The following USP32 variants were observed in gnomAD, a reference collection of about 807,000 sequenced individuals.
USP32 encodes ubiquitin specific peptidase 32.
A neutral mutation model predicts 204.8 loss-of-function variants in USP32; 59 were observed. The observed-to-expected ratio is 0.29, with a 90% CI of 0.23 to 0.36. USP32 has a LOEUF of 0.36. Among genes scored for constraint, USP32 ranks in the 10% least tolerant of loss-of-function variants. The probability of loss-of-function intolerance (pLI) is 1.00; values close to 1 mark genes in which losing one functional copy is unlikely to be tolerated. For synonymous variants in USP32, 517 were observed against 678.4 expected (o/e 0.76, Z 3.70); for missense variants, 1,160 against 1,946.4 (o/e 0.60, Z 7.60).
At chr17:60,389,097 G>A (rs73322606) in intron 1 of USP32, among the ~76,000 whole-genome samples, 2 of 152,106 alleles carry the variant, frequency 1.3e-5, no homozygotes, top group Non-Finnish European at 2.9e-5. Context: ...GCACACACTG[G>A]ACTAATGTGT....
intron 2 of USP32, among the ~76,000 whole-genome samples, chr17:60,322,001 A>G (rs1442402122): frequency 6.6e-6 from 1 of 152,128 alleles, no homozygotes; most frequent in Non-Finnish European, 1.5e-5. Context: ...AGAAAACTTA[A>G]TAAACAGAAA....
rs1327789046 is a variant in USP32 at position 60,206,843 on chromosome 17, G to GTTCTCTAAATTTTAGGT, written c.3037+161_3037+177dup. ...TACCTATCTAACTGAAGTCACTTGG[G>GTTCTCTAAATTTTAGGT]TTCTCTAAATTTTAGGTTTCTCGTC... On this transcript the variant is annotated intron_variant, in intron 25 of 33. Transcript: ENST00000300896. Among the ~76,000 whole-genome samples the GTTCTCTAAATTTTAGGT allele has an allele frequency of 2.2e-4, 34 of 152,208 alleles. 1 individual carries two copies. Among genetic ancestry groups the GTTCTCTAAATTTTAGGT allele is most frequent in the African/African-American group, 7.7e-4 (32 of 41,520 alleles).
chr17:60,195,385 T>A (rs2084488628), intron 27 of USP32, among the ~76,000 whole-genome samples: 1 of 152,250 alleles, frequency 6.6e-6, no homozygotes, highest in Non-Finnish European at 1.5e-5. Context: ...TCGCCCAGGC[T>A]GGAGTACAGT....
chr17:60,281,020 GTTCT>G (rs760928438), intron 5 of USP32, among the ~76,000 whole-genome samples: 4 of 152,188 alleles, frequency 2.6e-5, no homozygotes, highest in Non-Finnish European at 5.9e-5. Flanking sequence ...AAATTTGTTG[GTTCT>G]TTGTTTTTAT....
intron 1 of USP32, among the ~76,000 whole-genome samples, chr17:60,359,335 T>G (rs775186604): frequency 1.3e-5 from 2 of 152,218 alleles, no homozygotes; most frequent in Non-Finnish European, 2.9e-5. Context: ...GAAACTGCCT[T>G]ATTTATATGT....
At chr17:60,324,283 A>AATATATATAT (rs138904415) in intron 2 of USP32, among the ~76,000 whole-genome samples, 3 of 146,506 alleles carry the variant, frequency 2.0e-5, no homozygotes, top group Admixed American at 6.8e-5. Context: ...CCGTGTTTCA[A>AATATATATAT]ATATATATAT....
chr17:60,195,620 G>A (rs1255787256), intron 27 of USP32, among the ~76,000 whole-genome samples: 2 of 152,214 alleles, frequency 1.3e-5, no homozygotes, highest in Admixed American at 6.5e-5. Context: ...TTACAGGCAT[G>A]AGCCACTGCA....
At position 60,179,042 on chromosome 17, in the gene USP32, G is replaced by A. The variant is rs2084034227; in HGVS notation, c.*213C>T. On this transcript the variant is annotated 3_prime_UTR_variant, in exon 34 of 34. Coordinates refer to ENST00000300896, the MANE Select transcript of USP32 (RefSeq NM_032582.4). Reference sequence around the variant, plus strand: ...GGCTAATGGTGGGATCTGCCTGAAAGTTCTCTATCGGAGAGCTTGTATGAG... The same window carrying A: ...GGCTAATGGTGGGATCTGCCTGAAAATTCTCTATCGGAGAGCTTGTATGAG... 2 of 541,794 alleles carry A rather than the reference G, an allele frequency of 3.7e-6. No homozygotes were observed. Among genetic ancestry groups the A allele is most frequent in the Non-Finnish European group, 6.1e-6 (2 of 325,250 alleles). 33.6% of individuals were successfully genotyped at this position (541,794 alleles called of 1,614,324 possible).
intron 1 of USP32, among the ~76,000 whole-genome samples, chr17:60,419,710 G>T (rs1230512435): frequency 6.8e-6 from 1 of 147,790 alleles, no homozygotes; most frequent in Non-Finnish European, 1.5e-5. Context: ...TCCAGCCTGG[G>T]TGACACAGCG....
chr17:60,227,849 T>A (rs952323245), intron 12 of USP32, among the ~76,000 whole-genome samples: 1 of 152,262 alleles, frequency 6.6e-6, no homozygotes, highest in South Asian at 2.1e-4. Context: ...AGCCAAAAAA[T>A]TTTTTTAAAT....
chr17:60,239,243 CTTT>C (rs2085812925), intron 11 of USP32, among the ~76,000 whole-genome samples: 3 of 152,280 alleles, frequency 2.0e-5, no homozygotes, highest in African/African-American at 7.2e-5. Flanking sequence ...AACAGCTTCT[CTTT>C]TGCTTTCAAG....
At chr17:60,378,911 A>C (rs1479632877) in intron 1 of USP32, among the ~76,000 whole-genome samples, 2 of 152,006 alleles carry the variant, frequency 1.3e-5, no homozygotes, top group Non-Finnish European at 2.9e-5. Context: ...TCAAATGGTA[A>C]ATGGTATGTT....
chr17:60,221,568 G>T (rs1201791592), intron 15 of USP32, among the ~76,000 whole-genome samples: 3 of 150,268 alleles, frequency 2.0e-5, no homozygotes, highest in African/African-American at 7.4e-5. Context: ...GCAATGGTGT[G>T]CAGTCTTGGC....
intron 28 of USP32, 28 bp downstream of exon 28, chr17:60,192,816 A>G (rs758972739): frequency 2.3e-5 from 37 of 1,609,040 alleles, no homozygotes; most frequent in Admixed American, 1.3e-4. Context: ...AAATTCTACT[A>G]AAGTAATTCT....
At chr17:60,264,881 A>AAAAAAG (rs1555604168) in intron 9 of USP32, among the ~76,000 whole-genome samples, 4 of 141,656 alleles carry the variant, frequency 2.8e-5, no homozygotes, top group African/African-American at 8.3e-5. Context: ...AAAAAAAAAA[A>AAAAAAG]AGAGAGAGAG....
chr17:60,294,755 C>A lies in USP32; in HGVS notation c.339G>T (p.Arg113=). 6.2e-7 allele frequency: 1 copy of A among 1,612,500 alleles called. No individual in the cohort carries two copies. Among genetic ancestry groups the A allele is most frequent in the Non-Finnish European group, 8.5e-7 (1 of 1,179,136 alleles). Reference sequence around the variant, plus strand: ...CGTGGAGCATTCTTTCCATTTCTTCCCGTATAACATAGTTCCCAGATTCAC... The same window carrying A: ...CGTGGAGCATTCTTTCCATTTCTTCACGTATAACATAGTTCCCAGATTCAC... ...FSSESGNYVI[R]EEMERMLHVV... The change falls in exon 4 of 34, where the codon CGG becomes CGT. Residue 113 remains arginine (R), a synonymous_variant. Coordinates refer to ENST00000300896, the MANE Select transcript of USP32 (RefSeq NM_032582.4).
At position 60,271,485 on chromosome 17, in the gene USP32, A is replaced by C; in HGVS notation, c.572-4T>G. On this transcript the variant is annotated splice_region_variant and splice_polypyrimidine_tract_variant and intron_variant, in intron 5 of 33. Transcript: ENST00000300896. ...TCAATGATGTCTGATTCCTCCACTAAGGGTCAAATCAAAAAAGATTATAAA... is the reference window on the plus strand; with the variant it reads ...TCAATGATGTCTGATTCCTCCACTACGGGTCAAATCAAAAAAGATTATAAA... 6.2e-7 allele frequency: 1 copy of C among 1,613,072 alleles called. No homozygotes were observed. The highest frequency in any genetic ancestry group is 8.5e-7 in the Non-Finnish European group (1 of 1,179,440).
intron 1 of USP32, among the ~76,000 whole-genome samples, chr17:60,356,978 T>A (rs1425791739): frequency 1.3e-5 from 2 of 152,142 alleles, no homozygotes; most frequent in Non-Finnish European, 2.9e-5. Context: ...GAGATGGATA[T>A]TATAAAAAGA....
intron 1 of USP32, among the ~76,000 whole-genome samples, chr17:60,348,318 A>C (rs535553851): frequency 1.3e-5 from 2 of 152,118 alleles, no homozygotes; most frequent in African/African-American, 4.8e-5. Context: ...CCAAAACTAG[A>C]AGAAGCCAGT....
Sources: allele counts gnomAD v4.1 joint callset (sites outside exome capture counted in the v4.1 genomes callset), GRCh38; gene constraint gnomAD v4.1.1; transcripts MANE v1.5; gene names NCBI Gene and HGNC (gene_info 2026-07-23, HGNC 2026-07-21).